EVI5: variants seen among roughly 807,000 people sequenced by gnomAD.
EVI5 encodes the protein ecotropic viral integration site 5.
EVI5 carries 73 observed loss-of-function variants against 112.0 expected under a neutral mutation model. The ratio of observed to expected loss-of-function variants is 0.65; its 90% CI spans 0.54 to 0.79. EVI5 has a LOEUF of 0.79. Ranked by LOEUF, EVI5 falls within the 30% of genes least tolerant of loss-of-function variation. The pLI is 0.00. For synonymous variants in EVI5, 305 were observed against 319.9 expected, an observed-to-expected ratio of 0.95 and a Z score of 0.50; for missense variants, 900 against 968.8, an observed-to-expected ratio of 0.93 and a Z score of 0.94.
At chr1:92,593,636 G>C (rs1164903560) in intron 18 of EVI5, among the ~76,000 whole-genome samples, 1 of 152,144 alleles carries the variant, frequency 6.6e-6, no homozygotes, top group Admixed American at 6.5e-5. Context: ...AATTGTCCCT[G>C]TTTGCAGATG....
intron 2 of EVI5, among the ~76,000 whole-genome samples, chr1:92,726,743 A>C (rs6695810): frequency 0.019 from 2,893 of 152,270 alleles, 108 homozygotes; most frequent in African/African-American, 0.065. Flanking sequence ...AGTTTATAAC[A>C]CATATAAAAG....
At chr1:92,608,648 G>C (rs1484677938) in intron 16 of EVI5, among the ~76,000 whole-genome samples, 4 of 151,528 alleles carry the variant, frequency 2.6e-5, no homozygotes, top group Non-Finnish European at 5.9e-5. Context: ...AGGTTGCAGT[G>C]AGCTGAGATC....
In EVI5 at chr1:92,664,037, T is replaced by G. The variant is rs571407320; in HGVS notation, c.1213-585A>C. Among the ~76,000 whole-genome samples, 18 of 152,310 alleles carry G rather than the reference T, an allele frequency of 1.2e-4. No individual in the cohort carries two copies. In the South Asian group the frequency reaches 1.9e-3, roughly 16 times the overall value. On this transcript the variant is annotated intron_variant, in intron 11 of 19. Transcript: ENST00000684568. ...TGCGGGGATCATAGGCGTGAGCCAC[T>G]GCACTCAGTCAAATATTTCCTCTTC...
rs755659387 is a variant in EVI5, at chr1:92,510,329, A to G, written c.*3327T>C. On this transcript the variant is annotated 3_prime_UTR_variant, in exon 20 of 20. Coordinates refer to ENST00000684568, the MANE Select transcript of EVI5 (RefSeq NM_001350197.2). ...GTGATGCATGCTTTAAAGAACAGTG[A>G]TGGGATTCTGGAGTTCTTTCCTTTC... The G allele has an allele frequency of 1.3e-5, 2 of 152,206 alleles. No homozygotes were observed. The highest frequency in any genetic ancestry group is 2.4e-5 in the African/African-American group (1 of 41,448). The allele number at this position is 152,206 out of a possible 1,614,324, so 9.4% of individuals were successfully genotyped here.
chr1:92,572,790 A>G (rs1012360294), intron 18 of EVI5, among the ~76,000 whole-genome samples: 11 of 152,074 alleles, frequency 7.2e-5, no homozygotes, highest in African/African-American at 2.7e-4. Flanking sequence ...GCTGGTAATT[A>G]TAGAGTACAG....
In EVI5 at chr1:92,770,739, G is replaced by A. The variant is rs574589594; in HGVS notation, c.-82+14097C>T. On this transcript the variant is annotated intron_variant, in intron 1 of 19. Coordinates refer to ENST00000684568, the MANE Select transcript of EVI5 (RefSeq NM_001350197.2). ...CGGGAGGTGGAGGTTGCAGTGAGCC[G>A]AAATCGCGCCACTGAACTCCAGCCT... Among the ~76,000 whole-genome samples the A allele has an allele frequency of 1.8e-3, 277 of 151,798 alleles. 2 individuals carry two copies. The highest frequency in any genetic ancestry group is 3.1e-3 in the Non-Finnish European group (212 of 67,902).
At chr1:92,680,538 G>A (rs1667414178) in intron 9 of EVI5, among the ~76,000 whole-genome samples, 1 of 151,988 alleles carries the variant, frequency 6.6e-6, no homozygotes. Flanking sequence ...TGAGGGAGTG[G>A]GAAAATCATA....
At chr1:92,597,367 A>G (rs1232508530) in intron 18 of EVI5, among the ~76,000 whole-genome samples, 2 of 152,232 alleles carry the variant, frequency 1.3e-5, no homozygotes, top group Non-Finnish European at 2.9e-5. Context: ...AAAAATTCTG[A>G]TAATAGTTGG....
chr1:92,550,964 A>G (rs184690329), intron 19 of EVI5, among the ~76,000 whole-genome samples: 1 of 146,586 alleles, frequency 6.8e-6, no homozygotes, highest in African/African-American at 2.5e-5. Flanking sequence ...TAAAATAAAA[A>G]AAACCCAAAA....
chr1:92,727,116 C>T (rs1281658637), intron 2 of EVI5, among the ~76,000 whole-genome samples: 5 of 152,038 alleles, frequency 3.3e-5, no homozygotes, highest in African/African-American at 1.2e-4. Flanking sequence ...TACAAAAGGC[C>T]ACTTATTGTA....
intron 1 of EVI5, among the ~76,000 whole-genome samples, chr1:92,757,850 C>G (rs1681181853): frequency 7.0e-6 from 1 of 143,678 alleles, no homozygotes; most frequent in Non-Finnish European, 1.5e-5. Context: ...TGCAGTGAGC[C>G]GAGACTGAGC....
chr1:92,519,616 G>A (rs1327926217), intron 19 of EVI5, among the ~76,000 whole-genome samples: 3 of 152,148 alleles, frequency 2.0e-5, no homozygotes, highest in African/African-American at 4.8e-5. Context: ...AAGTTGGCCG[G>A]GTGCAGTGGC....
At chr1:92,529,866 T>G (rs1662555261) in intron 19 of EVI5, among the ~76,000 whole-genome samples, 1 of 152,222 alleles carries the variant, frequency 6.6e-6, no homozygotes, top group Non-Finnish European at 1.5e-5. Context: ...ATGGGCATAT[T>G]TTCATAAATA....
intron 13 of EVI5, among the ~76,000 whole-genome samples, chr1:92,655,473 T>G (rs367773716): frequency 2.0e-5 from 3 of 152,282 alleles, no homozygotes; most frequent in South Asian, 4.1e-4. Context: ...CAAGAAATGT[T>G]CAAGTGAGTT....
Position 92,513,673 on chromosome 1 carries a change from A to T in EVI5, c.2464T>A (p.Tyr822Asn). ...AGTGATGGTCAGACAGTGGTTGAAT[A>T]CGACTCTCTTCTTCTCGGGGGCCGC... is the stretch of plus-strand genomic sequence containing the variant. ...KERPPRRRESYSTTV is the reference protein window; with the variant it reads ...KERPPRRRESNSTTV The change falls in exon 20 of 20, where the codon TAT (tyrosine) becomes AAT (asparagine). Residue 822 changes from tyrosine (Y) to asparagine (N), a missense_variant. Tyr to Asn is a moderately radical substitution (Grantham distance 143, BLOSUM62 -2). Coordinates refer to ENST00000684568, the MANE Select transcript of EVI5 (RefSeq NM_001350197.2). 2 of 1,607,304 alleles carry T rather than the reference A, an allele frequency of 1.2e-6. No homozygotes were observed. The highest frequency in any genetic ancestry group is 1.7e-6 in the Non-Finnish European group (2 of 1,176,076).
At chr1:92,664,485 T>TAAAAA (rs59296856) in intron 11 of EVI5, among the ~76,000 whole-genome samples, 12 of 143,978 alleles carry the variant, frequency 8.3e-5, no homozygotes, top group Non-Finnish European at 1.4e-4. Context: ...TCCAAAGATT[T>TAAAAA]AAAAAAAAAA....
At chr1:92,598,899 T>C (rs1194759922) in intron 18 of EVI5, among the ~76,000 whole-genome samples, 1 of 152,048 alleles carries the variant, frequency 6.6e-6, no homozygotes, top group African/African-American at 2.4e-5. Flanking sequence ...GAGGCATTAT[T>C]ATAAACAATA....
intron 9 of EVI5, among the ~76,000 whole-genome samples, chr1:92,687,724 A>T (rs1668802868): frequency 6.6e-6 from 1 of 152,230 alleles, no homozygotes; most frequent in Non-Finnish European, 1.5e-5. Flanking sequence ...AAAGTGGGCC[A>T]AGGATATGAA....
chr1:92,546,044 G>A (rs919904755), intron 19 of EVI5, among the ~76,000 whole-genome samples: 1 of 152,012 alleles, frequency 6.6e-6, no homozygotes, highest in Non-Finnish European at 1.5e-5. Context: ...CACACGAACT[G>A]CTTTTCCTTA....
Sources: allele counts gnomAD v4.1 joint callset (sites outside exome capture counted in the v4.1 genomes callset), GRCh38; gene constraint gnomAD v4.1.1; transcripts MANE v1.5; gene names NCBI Gene and HGNC (gene_info 2026-07-23, HGNC 2026-07-21).